The following DCAF8L2 variants were observed in gnomAD, a reference collection of about 807,000 sequenced individuals.
DCAF8L2 encodes the protein DDB1 and CUL4 associated factor 8 like 2.
For missense variants in DCAF8L2, 430 were observed against 490.7 expected (o/e 0.88, Z 1.17); for synonymous variants, 200 against 190.9 (o/e 1.05, Z -0.39).
chrX:27,477,702 C>T, the DCAF8L2 span, among the ~76,000 whole-genome samples: 1 of 111,533 alleles, frequency 9.0e-6, no homozygotes, highest in Non-Finnish European at 1.9e-5. Context: ...TTCTCCAAAC[C>T]CATTTTGCCA....
upstream of DCAF8L2, among the ~76,000 whole-genome samples, chrX:27,587,975 T>TAA (rs531576238): frequency 6.9e-3 from 177 of 25,471 alleles, no homozygotes; most frequent in Middle Eastern, 0.031. Context: ...GTACTTCCAT[T>TAA]AAAAAAAAAA....
intron 3 of DCAF8L2, among the ~76,000 whole-genome samples, chrX:27,714,379 T>C (rs1435331174): frequency 9.2e-6 from 1 of 109,066 alleles, no homozygotes; most frequent in African/African-American, 3.3e-5. Context: ...CATTGTGAGT[T>C]TTTTTTTTTA....
At chrX:27,531,883 G>A in the DCAF8L2 span, among the ~76,000 whole-genome samples, 14 of 111,088 alleles carry the variant, frequency 1.3e-4, no homozygotes, top group African/African-American at 4.6e-4. Context: ...GATGTCTCTA[G>A]GCACCATATA....
intron 4 of DCAF8L2, among the ~76,000 whole-genome samples, chrX:27,737,305 C>G (rs1049155795): frequency 1.8e-5 from 2 of 111,348 alleles, no homozygotes; most frequent in Non-Finnish European, 3.8e-5. Context: ...CTTACACTTA[C>G]TCTGTGTTCC....
chrX:27,546,631 C>T, the DCAF8L2 span, among the ~76,000 whole-genome samples: 4 of 112,460 alleles, frequency 3.6e-5, no homozygotes, highest in African/African-American at 6.5e-5. Flanking sequence ...TCCCAAACCT[C>T]GATTCTTGAC....
At chrX:27,517,841 C>T in the DCAF8L2 span, 28 of 1,070,672 alleles carry the variant, frequency 2.6e-5, no homozygotes, top group South Asian at 5.6e-5. Context: ...GTACTTATCA[C>T]GGCCTGCTTT....
intron 3 of DCAF8L2, among the ~76,000 whole-genome samples, chrX:27,682,579 A>G (rs1307139171): frequency 9.0e-6 from 1 of 111,372 alleles, no homozygotes; most frequent in Non-Finnish European, 1.9e-5. Context: ...AATAAAATTC[A>G]TTTATATAAT....
chrX:27,471,674 G>T, the DCAF8L2 span, among the ~76,000 whole-genome samples: 1 of 111,361 alleles, frequency 9.0e-6, no homozygotes, highest in Non-Finnish European at 1.9e-5. Context: ...CCCTATTTCA[G>T]TTTCTCAACA....
the DCAF8L2 span, among the ~76,000 whole-genome samples, chrX:27,522,318 T>C: frequency 0.3 from 33,957 of 111,433 alleles, 4,002 homozygotes; most frequent in African/African-American, 0.41. Flanking sequence ...TGAGCCACCG[T>C]GCCCGGCCCC....
intron 4 of DCAF8L2, among the ~76,000 whole-genome samples, chrX:27,725,813 G>A (rs1932051915): frequency 9.2e-6 from 1 of 109,152 alleles, no homozygotes; most frequent in Admixed American, 9.8e-5. Context: ...ACAAGAAATC[G>A]GTTGCTCATC....
rs10686170 is a variant in DCAF8L2 at position 27,615,553 on chromosome X, A to ATCT, written c.-341-16326_-341-16325insTCT. Among the ~76,000 whole-genome samples the ATCT allele has an allele frequency of 4.3e-4, 35 of 81,055 alleles. 1 individual carries two copies. Among genetic ancestry groups the ATCT allele is most frequent in the African/African-American group, 2.7e-3 (30 of 11,069 alleles). 70.4% of individuals were successfully genotyped at this position (81,055 alleles called of 115,157 possible). A position where few individuals can be genotyped will look rare whatever the true frequency, so the allele number is the denominator to read the frequency against. The stretch of plus-strand genomic sequence containing the variant: ...TATCTATCTATCTATCTATCTATCT[A>ATCT]ATCTATCTATCTATATTTTCTGACT... On this transcript the variant is annotated intron_variant, in intron 1 of 4. Coordinates refer to ENST00000451261, the MANE Select transcript of DCAF8L2 (RefSeq NM_001353450.2).
chrX:27,549,477 C>G, the DCAF8L2 span, among the ~76,000 whole-genome samples: 1 of 110,926 alleles, frequency 9.0e-6, no homozygotes, highest in African/African-American at 3.3e-5. Flanking sequence ...TGAGTGAACT[C>G]TTTTTATAAA....
At chrX:27,576,192 T>C in the DCAF8L2 span, among the ~76,000 whole-genome samples, 3 of 112,348 alleles carry the variant, frequency 2.7e-5, no homozygotes, top group Non-Finnish European at 5.6e-5. Flanking sequence ...CTGTGGCTTT[T>C]TCCTTCAAAA....
At chrX:27,583,827 C>T in the DCAF8L2 span, among the ~76,000 whole-genome samples, 1 of 111,886 alleles carries the variant, frequency 8.9e-6, no homozygotes, top group East Asian at 2.8e-4. Context: ...TGAAACCGAT[C>T]CCTGGTGCTA....
chrX:27,662,010 T>C (rs746071502), intron 2 of DCAF8L2, among the ~76,000 whole-genome samples: 1 of 112,070 alleles, frequency 8.9e-6, no homozygotes, highest in South Asian at 3.7e-4. Context: ...GGAAATGTTT[T>C]AAATATACTA....
At position 27,614,889 on chromosome X, in the gene DCAF8L2, G is replaced by A. The variant is rs1010416673; in HGVS notation, c.-341-16990G>A. ...TATTTCCAACTATGTGGTCAATTTT[G>A]GAATAAGTTCAGATTCTATAGGAAA... On this transcript the variant is annotated intron_variant, in intron 1 of 4. Transcript: ENST00000451261. Among the ~76,000 whole-genome samples, 4 of 111,042 alleles carry A rather than the reference G, an allele frequency of 3.6e-5. No homozygotes were observed. In the South Asian group the frequency reaches 1.5e-3, roughly 42 times the overall value.
intron 3 of DCAF8L2, among the ~76,000 whole-genome samples, chrX:27,693,347 T>G (rs1427286339): frequency 3.6e-5 from 4 of 111,252 alleles, no homozygotes; most frequent in Non-Finnish European, 7.6e-5. Flanking sequence ...AAAAATTAAA[T>G]ATTATTGAAA....
the DCAF8L2 span, among the ~76,000 whole-genome samples, chrX:27,512,715 A>G: frequency 3.9e-5 from 4 of 101,731 alleles, no homozygotes. Flanking sequence ...ACAGCAACAG[A>G]AAAAAAAATC....
the DCAF8L2 span, among the ~76,000 whole-genome samples, chrX:27,525,859 C>G: frequency 8.9e-6 from 1 of 112,135 alleles, no homozygotes; most frequent in Non-Finnish European, 1.9e-5. Context: ...TTGGCCCCCA[C>G]TCTCTTCTGG....
Sources: allele counts gnomAD v4.1 joint callset (sites outside exome capture counted in the v4.1 genomes callset), GRCh38; gene constraint gnomAD v4.1.1; transcripts MANE v1.5; gene names NCBI Gene and HGNC (gene_info 2026-07-23, HGNC 2026-07-21).